SBNO2: variants seen among roughly 807,000 people sequenced by gnomAD.
SBNO2 encodes strawberry notch homolog 2.
SBNO2 carries 89 observed loss-of-function variants against 146.3 expected under a neutral mutation model. That is an observed-to-expected ratio of 0.61 (90% CI 0.51 to 0.73). SBNO2 has a LOEUF of 0.73. Among genes scored for constraint, SBNO2 ranks in the 30% least tolerant of loss-of-function variants. SBNO2 has a pLI of 0.00. For missense variants in SBNO2, 2,092 were observed against 2,003.7 expected, an observed-to-expected ratio of 1.04 and a Z score of -0.84; for synonymous variants, 1,147 against 892.6, an observed-to-expected ratio of 1.29 and a Z score of -5.08.
intron 17 of SBNO2, among the ~76,000 whole-genome samples, chr19:1,114,924 C>T (rs1031369548): frequency 3.3e-5 from 5 of 152,072 alleles, no homozygotes; most frequent in African/African-American, 4.8e-5. Flanking sequence ...TGAACCACCA[C>T]GCCTGGCTTA....
rs2079753061 is a variant in SBNO2, at chr19:1,111,056, GCCA to G, written c.2844_2846del (p.Gly949del). The G allele has an allele frequency of 1.9e-6, 3 of 1,564,632 alleles. No individual in the cohort carries two copies. Among genetic ancestry groups the G allele is most frequent in the Non-Finnish European group, 1.7e-6 (2 of 1,155,804 alleles). On this transcript the variant is annotated inframe_deletion, in exon 25 of 32. Coordinates refer to ENST00000361757, the MANE Select transcript of SBNO2 (RefSeq NM_014963.3). ...CCAGGCAGCCATTCCGGGACTCCCG[GCCA>G]CCAATGCCCACAGACAGCAGGCCCT...
chr19:1,113,358 C>T (rs1228033161), intron 19 of SBNO2, among the ~76,000 whole-genome samples, 177 bp downstream of exon 19: 1 of 152,180 alleles, frequency 6.6e-6, no homozygotes, highest in African/African-American at 2.4e-5. Flanking sequence ...CGTGGCCTCC[C>T]GGGCCGAGCT....
chr19:1,133,663 A>C (rs879244656), intron 4 of SBNO2, among the ~76,000 whole-genome samples: 8 of 152,204 alleles, frequency 5.3e-5, no homozygotes, highest in South Asian at 2.1e-4. Context: ...AATGGAAAAC[A>C]ACCAATGGGG....
At chr19:1,129,902 C>G (rs916470528) in intron 4 of SBNO2, among the ~76,000 whole-genome samples, 15 of 152,168 alleles carry the variant, frequency 9.9e-5, no homozygotes, top group African/African-American at 3.1e-4. Context: ...GACACCTGCC[C>G]CACGCCCTCA....
At chr19:1,120,182 C>A in intron 11 of SBNO2, 159 bp from the exon 12 acceptor site, 1 of 620,528 alleles carries the variant, frequency 1.6e-6, no homozygotes, top group Non-Finnish European at 2.8e-6. Flanking sequence ...CAGCCGGCTA[C>A]CATGGGGGGC....
Position 1,111,622 on chromosome 19 carries a change from G to A in SBNO2, c.2701-8C>T, listed in dbSNP as rs1034934914. The A allele has an allele frequency of 6.4e-6, 10 of 1,570,530 alleles. No individual in the cohort carries two copies. The highest frequency in any genetic ancestry group is 5.6e-5 in the Admixed American group (3 of 53,876). The stretch of plus-strand genomic sequence containing the variant: ...CAGGGCCCGGGTGCCATACTAGGGG[G>A]AGAAGGTGACTCGGGGAGGAGGCCC... On this transcript the variant is annotated splice_region_variant and splice_polypyrimidine_tract_variant and intron_variant, in intron 23 of 31. Transcript: ENST00000361757.
rs759519161 is a variant in SBNO2 at position 1,109,752 on chromosome 19, GATCTCCTCGATACCGGGAGC to G, written c.3034_3053del (p.Ala1012LeufsTer47). The G allele has an allele frequency of 6.4e-7, 1 of 1,573,376 alleles. No individual in the cohort carries two copies. The highest frequency in any genetic ancestry group is 8.6e-7 in the Non-Finnish European group (1 of 1,157,168). ...GGAACACCTGCTGGCTCTCCTCGTAGATCTCCTCGATACCGGGAGCAAGGTCTAGGGGGGCGGGTGGAGGG... is the reference window on the plus strand; with the variant it reads ...GGAACACCTGCTGGCTCTCCTCGTAGAAGGTCTAGGGGGGCGGGTGGAGGG... On this transcript the variant is annotated frameshift_variant, in exon 27 of 32. Transcript: ENST00000361757. LOFTEE classifies it high-confidence loss of function. This position sits in a 1 kb window ranked among gnomAD's most constrained non-coding sequence, Gnocchi z 4.2.
chr19:1,169,986 C>T (rs2080462087), intron 1 of SBNO2, among the ~76,000 whole-genome samples: 1 of 152,146 alleles, frequency 6.6e-6, no homozygotes, highest in Admixed American at 6.5e-5. Flanking sequence ...GACTGGCCTG[C>T]TCTGGACACG....
At chr19:1,123,845 G>T in intron 6 of SBNO2, 97 bp downstream of exon 6, 2 of 1,320,894 alleles carry the variant, frequency 1.5e-6, no homozygotes, top group Non-Finnish European at 1.0e-6. Flanking sequence ...TTCTAGGCCA[G>T]CCAAGCGCTC....
At chr19:1,163,681 G>A (rs529370697) in intron 1 of SBNO2, among the ~76,000 whole-genome samples, 13 of 152,342 alleles carry the variant, frequency 8.5e-5, no homozygotes, top group African/African-American at 1.9e-4. Flanking sequence ...ACCCTGCCAC[G>A]CGCAGGCACA....
At chr19:1,155,729 A>ACCCCGG (rs1168625063) in intron 1 of SBNO2, among the ~76,000 whole-genome samples, 1 of 151,822 alleles carries the variant, frequency 6.6e-6, no homozygotes, top group Non-Finnish European at 1.5e-5. Flanking sequence ...GGACCCCCCG[A>ACCCCGG]CCCCGGCCCC....
At chr19:1,166,554 G>T (rs1406108886) in intron 1 of SBNO2, among the ~76,000 whole-genome samples, 2 of 152,190 alleles carry the variant, frequency 1.3e-5, no homozygotes, top group Admixed American at 1.3e-4. Context: ...GTGCTGGGAG[G>T]ACTGCGTGAG....
chr19:1,112,428 C>A lies in SBNO2; in HGVS notation c.2489G>T (p.Ser830Ile). 1.2e-6 allele frequency: 2 copies of A among 1,606,190 alleles called. No individual in the cohort carries two copies. The highest frequency in any genetic ancestry group is 8.5e-7 in the Non-Finnish European group (1 of 1,178,510). ...RVHMTLELPW[S>I]ADRAIQQFGR... ...GAACTGCTGGATGGCGCGGTCGGCG[C>A]TCCACGGCAGCTCCAAGGTCATGTG... Residue 830 changes from serine (S) to isoleucine (I), a missense_variant, in exon 21 of 32, where the codon AGC becomes ATC. By Grantham distance (142) the Ser-to-Ile change is moderately radical. Transcript: ENST00000361757. The surrounding 1 kb of genome is among the most constrained non-coding windows in gnomAD (Gnocchi z 5.9).
chr19:1,117,006 G>T, intron 15 of SBNO2, 80 bp from the exon 16 acceptor site: 1 of 1,328,048 alleles, frequency 7.5e-7, no homozygotes, highest in Non-Finnish European at 1.0e-6. Flanking sequence ...GGCCTGGGGT[G>T]ATGGCCACAT....
rs1253990895 is a variant in SBNO2 at position 1,140,985 on chromosome 19, G to T, written c.279+6324C>A. Among the ~76,000 whole-genome samples, 3 of 147,820 alleles carry T rather than the reference G, an allele frequency of 2.0e-5. No individual in the cohort carries two copies. The highest frequency in any genetic ancestry group is 4.5e-5 in the Non-Finnish European group (3 of 66,622). ...AACCCCAGACAAAACCAACGGAGAG[G>T]CACTCTGGAGAAGACACACCCTGGA... On this transcript the variant is annotated intron_variant, in intron 4 of 31. Transcript: ENST00000361757. The surrounding 1 kb of genome is among the most constrained non-coding windows in gnomAD (Gnocchi z 4.4).
rs1468682565 is a variant in SBNO2 at position 1,140,989 on chromosome 19, TCTGGAGAAGACACACC to T, written c.279+6304_279+6319del. 1.2e-3 allele frequency among the ~76,000 whole-genome samples: 167 copies of T among 144,940 alleles called. 2 individuals are homozygous for T. Among genetic ancestry groups the T allele is most frequent in the East Asian group, 0.011 (50 of 4,670 alleles). ...CCAGACAAAACCAACGGAGAGGCAC[TCTGGAGAAGACACACC>T]CTGGAGAAGACACACCCTGGAGAAG... On this transcript the variant is annotated intron_variant, in intron 4 of 31. Transcript: ENST00000361757. This position sits in a 1 kb window ranked among gnomAD's most constrained non-coding sequence, Gnocchi z 4.4.
At position 1,108,567 on chromosome 19, in the gene SBNO2, C is replaced by T; in HGVS notation, c.3754G>A (p.Gly1252Ser). 2 of 1,250,150 alleles carry T rather than the reference C, an allele frequency of 1.6e-6. No homozygotes were observed. The highest frequency in any genetic ancestry group is 1.0e-6 in the Non-Finnish European group (1 of 998,806). 77.4% of individuals were successfully genotyped at this position (1,250,150 alleles called of 1,614,324 possible). A position where few individuals can be genotyped will look rare whatever the true frequency, so the allele number is the denominator to read the frequency against. Residue 1252 changes from glycine to serine, a missense_variant, in exon 32 of 32, where the codon GGC becomes AGC. By Grantham distance (56) the Gly-to-Ser change is moderately conservative. Coordinates refer to ENST00000361757, the MANE Select transcript of SBNO2 (RefSeq NM_014963.3). ...PAPRPLALPC[G>S]PGEVLDLTYS... ...GTGAGGTCCAGCACCTCTCCGGGGC[C>T]GCAAGGCAGCGCCAGCGGGCGCGGG...
At position 1,140,257 on chromosome 19, in the gene SBNO2, G is replaced by A. The variant is rs1295479647; in HGVS notation, c.279+7052C>T. Among the ~76,000 whole-genome samples the A allele has an allele frequency of 6.6e-6, 1 of 150,658 alleles. No individual in the cohort carries two copies. The highest frequency in any genetic ancestry group is 2.0e-4 in the East Asian group (1 of 5,120). ...GTTGGTTGCAGTGAGCCGAGGTCACGCCACTGCACTCCAGCCTGGGCGACA... is the reference window on the plus strand; with the variant it reads ...GTTGGTTGCAGTGAGCCGAGGTCACACCACTGCACTCCAGCCTGGGCGACA... On this transcript the variant is annotated intron_variant, in intron 4 of 31. Coordinates refer to ENST00000361757, the MANE Select transcript of SBNO2 (RefSeq NM_014963.3). This position sits in a 1 kb window ranked among gnomAD's most constrained non-coding sequence, Gnocchi z 4.4.
chr19:1,108,035 G>T lies in SBNO2; in HGVS notation c.*185C>A. On this transcript the variant is annotated 3_prime_UTR_variant, in exon 32 of 32. Transcript: ENST00000361757. ...GGGCCCTGCCACGCCCCGGCCCCCA[G>T]CTGTCCTGAGTGGGCCCCGCCAGGG... 1 of 503,388 alleles carries T rather than the reference G, an allele frequency of 2.0e-6. No homozygotes were observed. Among genetic ancestry groups the T allele is most frequent in the Non-Finnish European group, 3.2e-6 (1 of 311,828 alleles). 31.2% of individuals were successfully genotyped at this position (503,388 alleles called of 1,614,324 possible). A position where few individuals can be genotyped will look rare whatever the true frequency, so the allele number is the denominator to read the frequency against.
Sources: gnomAD v4.1 joint callset for allele counts (sites outside exome capture counted in the v4.1 genomes callset) on GRCh38, gnomAD v4.1.1 for gene constraint, Gnocchi (gnomAD v3.1) non-coding constraint, MANE v1.5 for transcripts, NCBI Gene and HGNC (gene_info 2026-07-23, HGNC 2026-07-21) for gene names.